The following SLC25A26 variants were observed in gnomAD, a reference collection of about 807,000 sequenced individuals.
SLC25A26 encodes solute carrier family 25 member 26.
A neutral mutation model predicts 37.8 loss-of-function variants in SLC25A26; 36 were observed. The observed-to-expected ratio is 0.95, with a 90% confidence interval of 0.73 to 1.26. The LOEUF (loss-of-function observed/expected upper bound fraction) is 1.26, where lower values mean the gene tolerates loss of function less well. Among genes scored for constraint, SLC25A26 ranks in the 50% most tolerant of loss-of-function variants. The pLI, the probability that SLC25A26 is intolerant of heterozygous loss-of-function variation, is 0.00. For missense variants in SLC25A26, 390 were observed against 331.1 expected (o/e 1.18, Z -1.38); for synonymous variants, 129 against 122.5 (o/e 1.05, Z -0.35).
chr3:66,218,178 C>T (rs1337794105), upstream of SLC25A26, among the ~76,000 whole-genome samples: 15 of 151,740 alleles, frequency 9.9e-5, no homozygotes, highest in Non-Finnish European at 1.6e-4. Flanking sequence ...AATTCATGTC[C>T]GTTTATTGTT....
At position 66,174,317 on chromosome 3, in the gene SLC25A26, C is replaced by G. The variant is rs573221225; in HGVS notation, c.-354+40333C>G. ...AGAGCTTAGAACACCCATATCCCCCCACTTTTGCATTTATATGCACATTTC... is the reference window on the plus strand; with the variant it reads ...AGAGCTTAGAACACCCATATCCCCCGACTTTTGCATTTATATGCACATTTC... On this transcript the variant is annotated intron_variant, in intron 1 of 10. Transcript: ENST00000676754. Among the ~76,000 whole-genome samples, 89 of 152,358 alleles carry G rather than the reference C, an allele frequency of 5.8e-4. No individual in the cohort carries two copies. The South Asian group carries it at 0.015, about 26-fold the overall frequency.
At chr3:66,333,860 C>G (rs760133306) in intron 5 of SLC25A26, among the ~76,000 whole-genome samples, 1 of 152,154 alleles carries the variant, frequency 6.6e-6, no homozygotes, top group Non-Finnish European at 1.5e-5. Context: ...AAAACACACA[C>G]TCCAGTTCCC....
chr3:66,238,091 C>T (rs1037110056), intron 2 of SLC25A26, among the ~76,000 whole-genome samples: 1 of 152,156 alleles, frequency 6.6e-6, no homozygotes, highest in Non-Finnish European at 1.5e-5. Context: ...GCATCCACTC[C>T]ATGCCAAGCA....
intron 1 of SLC25A26, among the ~76,000 whole-genome samples, chr3:66,203,105 G>C (rs2071131021): frequency 6.6e-6 from 1 of 152,108 alleles, no homozygotes; most frequent in African/African-American, 2.4e-5. Flanking sequence ...TTCTGGCTGG[G>C]TGCAGTGGCT....
At chr3:66,242,038 G>A (rs540846044) in intron 2 of SLC25A26, among the ~76,000 whole-genome samples, 1 of 152,210 alleles carries the variant, frequency 6.6e-6, no homozygotes, top group Admixed American at 6.5e-5. Flanking sequence ...GTTAGTAGAG[G>A]CCTTCTTGGA....
chr3:66,319,199 C>T lies in SLC25A26; in HGVS notation c.454-27165C>T, dbSNP rs201925097. On this transcript the variant is annotated intron_variant, in intron 5 of 9. Transcript: ENST00000354883. ...TGAAGTAGAGAAGTGTATATGATGG[C>T]ATAGCTCATTACACATTTCCTGTAT... 1.6e-4 allele frequency among the ~76,000 whole-genome samples: 24 copies of T among 152,186 alleles called. No individual in the cohort carries two copies. In the East Asian group the frequency reaches 3.7e-3, roughly 23 times the overall value.
chr3:66,297,182 G>T (rs2074929725), intron 5 of SLC25A26, among the ~76,000 whole-genome samples: 1 of 151,978 alleles, frequency 6.6e-6, no homozygotes, highest in Non-Finnish European at 1.5e-5. Flanking sequence ...AAAAAAAATA[G>T]CTGGGCATGG....
chr3:66,345,420 G>T (rs1304896147), intron 5 of SLC25A26, among the ~76,000 whole-genome samples: 1 of 151,274 alleles, frequency 6.6e-6, no homozygotes, highest in Non-Finnish European at 1.5e-5. Flanking sequence ...CCTCTCTCCA[G>T]TCTCCTCCCT....
chr3:66,344,769 G>A (rs1487214879), intron 5 of SLC25A26, among the ~76,000 whole-genome samples: 1 of 152,164 alleles, frequency 6.6e-6, no homozygotes, highest in Non-Finnish European at 1.5e-5. Context: ...TATGACATGG[G>A]TGTCTTAAGT....
intron 5 of SLC25A26, among the ~76,000 whole-genome samples, chr3:66,275,442 C>G (rs570077925): frequency 2.6e-4 from 40 of 152,090 alleles, no homozygotes; most frequent in African/African-American, 9.2e-4. Flanking sequence ...CTTCCCTTCA[C>G]TAGAATGTAT....
At chr3:66,211,516 C>G in intron 1 of SLC25A26, among the ~76,000 whole-genome samples, 2 of 152,272 alleles carry the variant, frequency 1.3e-5, no homozygotes, top group Middle Eastern at 6.8e-3. Flanking sequence ...ATAGCTTGCA[C>G]TTATTGCTGC....
intron 6 of SLC25A26, chr3:66,356,209 A>ATG: frequency 2.6e-6 from 1 of 388,802 alleles, no homozygotes. Flanking sequence ...CTATACTTTA[A>ATG]ATAGAAGACA....
At chr3:66,175,030 T>C (rs2070557177) in intron 1 of SLC25A26, among the ~76,000 whole-genome samples, 1 of 149,258 alleles carries the variant, frequency 6.7e-6, no homozygotes, top group Non-Finnish European at 1.5e-5. Flanking sequence ...TTTAGATTCC[T>C]GCTGTATTAG....
At chr3:66,293,552 T>A (rs557018972) in intron 5 of SLC25A26, among the ~76,000 whole-genome samples, 100 of 151,896 alleles carry the variant, frequency 6.6e-4, no homozygotes, top group African/African-American at 2.3e-3. Flanking sequence ...GCCTCCACCG[T>A]CCGATAGGCT....
At chr3:66,308,154 G>C (rs1244062647) in intron 5 of SLC25A26, among the ~76,000 whole-genome samples, 1 of 152,044 alleles carries the variant, frequency 6.6e-6, no homozygotes, top group Non-Finnish European at 1.5e-5. Context: ...TTTTCCATTT[G>C]TTTGGGTCCT....
chr3:66,345,202 A>T (rs1018768396), intron 5 of SLC25A26, among the ~76,000 whole-genome samples: 3 of 152,128 alleles, frequency 2.0e-5, no homozygotes, highest in African/African-American at 7.2e-5. Context: ...GGACGTGATC[A>T]GTGCTCAGAC....
chr3:66,150,524 GATATAT>G (rs57194947), intron 1 of SLC25A26, among the ~76,000 whole-genome samples: 3 of 103,654 alleles, frequency 2.9e-5, no homozygotes, highest in East Asian at 2.8e-4. Context: ...TATATATAAT[GATATAT>G]ATATATATAT....
chr3:66,284,516 A>G (rs1006434672), intron 5 of SLC25A26, among the ~76,000 whole-genome samples: 5 of 152,226 alleles, frequency 3.3e-5, no homozygotes, highest in Admixed American at 3.3e-4. Context: ...CAAGAGACAC[A>G]TGCAACAATA....
At chr3:66,250,140 C>A (rs1381683371) in intron 3 of SLC25A26, among the ~76,000 whole-genome samples, 1 of 152,138 alleles carries the variant, frequency 6.6e-6, no homozygotes, top group African/African-American at 2.4e-5. Context: ...TTCCAGACTC[C>A]TTTTATTTTG....
Sources: allele counts gnomAD v4.1 joint callset (sites outside exome capture counted in the v4.1 genomes callset), GRCh38; gene constraint gnomAD v4.1.1; transcripts MANE v1.5; gene names NCBI Gene and HGNC (gene_info 2026-07-23, HGNC 2026-07-21).